SMG9: variants seen among roughly 807,000 people sequenced by gnomAD.
The protein encoded by SMG9 is SMG9 nonsense mediated mRNA decay factor, also known as nonsense-mediated mRNA decay factor SMG9.
Under a neutral mutation model 64.0 loss-of-function variants are expected in SMG9, and 55 were observed. The observed-to-expected ratio is 0.86, with a 90% confidence interval of 0.69 to 1.08. The LOEUF (loss-of-function observed/expected upper bound fraction) is 1.08, where lower values mean the gene tolerates loss of function less well. Among genes scored for constraint, SMG9 ranks in the 50% least tolerant of loss-of-function variants. The probability of loss-of-function intolerance (pLI) is 0.00; values close to 1 mark genes in which losing one functional copy is unlikely to be tolerated. For missense variants in SMG9, 554 were observed against 681.3 expected, an observed-to-expected ratio of 0.81 and a Z score of 2.08; for synonymous variants, 244 against 254.8, an observed-to-expected ratio of 0.96 and a Z score of 0.41.
chr19:43,750,532 A>G, intron 2 of SMG9, 60 bp downstream of exon 2: 20 of 1,538,870 alleles, frequency 1.3e-5, no homozygotes, highest in South Asian at 2.5e-5. Context: ...TGCCTGGCAC[A>G]TGGCAGGTGC....
Position 43,731,690 on chromosome 19 carries a change from C to T in SMG9, c.1485-16G>A. ...GTAGTGGAACCTGTGAGGAGGCCAA[C>T]AGTCAGGGCTGCCTGGCCGGGGCTC... On this transcript the variant is annotated splice_polypyrimidine_tract_variant and intron_variant, in intron 13 of 13. Transcript: ENST00000270066. 6.2e-7 allele frequency: 1 copy of T among 1,614,184 alleles called. No homozygotes were observed. Among genetic ancestry groups the T allele is most frequent in the Non-Finnish European group, 8.5e-7 (1 of 1,180,026 alleles).
rs971851077 is a variant in SMG9, at chr19:43,737,503, T to C, written c.995+94A>G. 6 of 1,103,514 alleles carry C rather than the reference T, an allele frequency of 5.4e-6. No homozygotes were observed. The African/African-American group carries it at 7.8e-5, about 14-fold the overall frequency. 68.4% of individuals were successfully genotyped at this position (1,103,514 alleles called of 1,614,324 possible). A position where few individuals can be genotyped will look rare whatever the true frequency, so the allele number is the denominator to read the frequency against. On this transcript the variant is annotated intron_variant, in intron 9 of 13. Coordinates refer to ENST00000270066, the MANE Select transcript of SMG9 (RefSeq NM_019108.4). ...AACTTACATTTTAAAAGGATCCCTC[T>C]GGCTGCTGTCCCTTGAGTCAGTGGC...
intron 7 of SMG9, among the ~76,000 whole-genome samples, chr19:43,739,522 A>C (rs2087823011): frequency 6.6e-6 from 1 of 152,164 alleles, no homozygotes; most frequent in Non-Finnish European, 1.5e-5. Flanking sequence ...AGAGGCGAGG[A>C]TAGGCAGTCT....
At chr19:43,748,991 A>T (rs544628827) in intron 2 of SMG9, among the ~76,000 whole-genome samples, 3 of 152,322 alleles carry the variant, frequency 2.0e-5, no homozygotes, top group African/African-American at 7.2e-5. Flanking sequence ...TGGGACCAGA[A>T]GTGTTCTGAA....
Position 43,733,749 on chromosome 19 carries a change from G to C in SMG9, c.1103-16C>G. Reference sequence around the variant, plus strand: ...TGCAAGAAGACTGAGGGTGGGAAGAGACGGGCCCTGTCAGGCAGACATCGC... The same window carrying C: ...TGCAAGAAGACTGAGGGTGGGAAGACACGGGCCCTGTCAGGCAGACATCGC... On this transcript the variant is annotated splice_polypyrimidine_tract_variant and intron_variant, in intron 10 of 13. Transcript: ENST00000270066. 1 of 1,606,410 alleles carries C rather than the reference G, an allele frequency of 6.2e-7. No individual in the cohort carries two copies. The highest frequency in any genetic ancestry group is 8.5e-7 in the Non-Finnish European group (1 of 1,173,390).
At chr19:43,752,807 G>A (rs898066804) in intron 1 of SMG9, among the ~76,000 whole-genome samples, 7 of 151,456 alleles carry the variant, frequency 4.6e-5, no homozygotes, top group African/African-American at 1.7e-4. Context: ...TTGGGAGGCT[G>A]AGGTGGTGGG....
chr19:43,740,142 TAAAG>T lies in SMG9; in HGVS notation c.774_777del (p.Phe258LeufsTer16), dbSNP rs1190978102. The stretch of plus-strand genomic sequence containing the variant: ...AGGAAAACAATCCGTTCTTGGGTAA[TAAAG>T]AAGTCGATGCCACTGGTCTGGTTGC... On this transcript the variant is annotated frameshift_variant, in exon 7 of 14. Transcript: ENST00000270066. LOFTEE classifies it high-confidence loss of function. 1 of 1,614,092 alleles carries T rather than the reference TAAAG, an allele frequency of 6.2e-7. No individual in the cohort carries two copies. The highest frequency in any genetic ancestry group is 8.5e-7 in the Non-Finnish European group (1 of 1,180,000).
At chr19:43,741,842 C>A (rs1278926172) in intron 6 of SMG9, among the ~76,000 whole-genome samples, 1 of 152,070 alleles carries the variant, frequency 6.6e-6, no homozygotes, top group Non-Finnish European at 1.5e-5. Flanking sequence ...AAGACCTCAT[C>A]TCTACAAAAA....
chr19:43,733,368 G>A lies in SMG9; in HGVS notation c.1295C>T (p.Pro432Leu). The change falls in exon 12 of 14, where the codon CCC becomes CTC. Residue 432 changes from proline (P) to leucine (L), a missense_variant. By Grantham distance (98) the Pro-to-Leu change is moderately conservative. Transcript: ENST00000270066. The stretch of plus-strand genomic sequence containing the variant: ...ACTCTCTGCTTCACTGTCCATGAAG[G>A]GTACCAGGAATAAGTTGACCTCAGA... ...LDSEVNLFLV[P>L]FMDSEAESEN... 2 of 1,614,102 alleles carry A rather than the reference G, an allele frequency of 1.2e-6. No homozygotes were observed. Among genetic ancestry groups the A allele is most frequent in the Non-Finnish European group, 1.7e-6 (2 of 1,180,026 alleles).
In SMG9 at chr19:43,747,623, C is replaced by T. The variant is rs1462946391; in HGVS notation, c.490+10G>A. 1.2e-6 allele frequency: 2 copies of T among 1,613,896 alleles called. No homozygotes were observed. The highest frequency in any genetic ancestry group is 1.3e-5 in the African/African-American group (1 of 74,932). ...AGTTCCCAACCTGGTACTGCCCAGCCCCAACTCACGGTCCATGGCTGCTGG... is the reference window on the plus strand; with the variant it reads ...AGTTCCCAACCTGGTACTGCCCAGCTCCAACTCACGGTCCATGGCTGCTGG... On this transcript the variant is annotated intron_variant, in intron 4 of 13. Transcript: ENST00000270066.
intron 2 of SMG9, chr19:43,748,931 G>A (rs1969110157): frequency 2.2e-6 from 1 of 454,394 alleles, no homozygotes; most frequent in Admixed American, 2.3e-5. Flanking sequence ...CTTCCAGGAG[G>A]CTAGGAAGGG....
intron 9 of SMG9, among the ~76,000 whole-genome samples, chr19:43,736,861 G>A (rs747624118): frequency 5.3e-5 from 8 of 152,224 alleles, no homozygotes; most frequent in Non-Finnish European, 1.2e-4. Context: ...AAGTTGACTC[G>A]AATGGCACGA....
chr19:43,750,556 G>A (rs1969163291), intron 2 of SMG9, 36 bp downstream of exon 2: 3 of 1,581,400 alleles, frequency 1.9e-6, no homozygotes, highest in Non-Finnish European at 2.6e-6. Context: ...GAACCAAATA[G>A]ATACATGAAT....
intron 7 of SMG9, among the ~76,000 whole-genome samples, 165 bp from the exon 8 acceptor site, chr19:43,738,382 C>G (rs949344819): frequency 6.6e-6 from 1 of 152,268 alleles, no homozygotes; most frequent in Admixed American, 6.5e-5. Context: ...AAAGCTGATA[C>G]ACTTTTCCAG....
At chr19:43,731,720 C>G (rs372616673) in intron 13 of SMG9, 46 bp from the exon 14 acceptor site, 167 of 1,612,904 alleles carry the variant, frequency 1.0e-4, no homozygotes, top group Middle Eastern at 6.6e-4. Flanking sequence ...GGGCTCCCCC[C>G]AGCCCAGCAC....
intron 9 of SMG9, among the ~76,000 whole-genome samples, chr19:43,737,204 T>TG (rs1173817623): frequency 6.6e-6 from 1 of 151,974 alleles, no homozygotes; most frequent in African/African-American, 2.4e-5. Flanking sequence ...ACCCAGAAGA[T>TG]GGAGACTGCA....
At chr19:43,736,815 CAG>C (rs905911128) in intron 9 of SMG9, among the ~76,000 whole-genome samples, 7 of 152,282 alleles carry the variant, frequency 4.6e-5, no homozygotes, top group African/African-American at 9.6e-5. Flanking sequence ...GGGAGAGTAA[CAG>C]GGGATGCTAT....
chr19:43,742,812 C>G (rs1479296743), intron 6 of SMG9, among the ~76,000 whole-genome samples: 1 of 152,066 alleles, frequency 6.6e-6, no homozygotes, highest in Non-Finnish European at 1.5e-5. Context: ...GCAGGAAGGC[C>G]AGGCACGGTG....
Position 43,737,694 on chromosome 19 carries a change from C to A in SMG9, c.910-12G>T. 6.2e-7 allele frequency: 1 copy of A among 1,613,336 alleles called. No individual in the cohort carries two copies. Among genetic ancestry groups the A allele is most frequent in the South Asian group, 1.1e-5 (1 of 90,990 alleles). On this transcript the variant is annotated splice_polypyrimidine_tract_variant and intron_variant, in intron 8 of 13. Transcript: ENST00000270066. ...GCAATCTGGAGTGACTGAGGGTGGGCAGGATGGAAGGGAGGTGAGGACCTC... is the reference window on the plus strand; with the variant it reads ...GCAATCTGGAGTGACTGAGGGTGGGAAGGATGGAAGGGAGGTGAGGACCTC...
Sources: gnomAD v4.1 joint callset for allele counts (sites outside exome capture counted in the v4.1 genomes callset) on GRCh38, gnomAD v4.1.1 for gene constraint, MANE v1.5 for transcripts, NCBI Gene and HGNC (gene_info 2026-07-23, HGNC 2026-07-21) for gene names.